CIMIP3: variants seen among roughly 807,000 people sequenced by gnomAD.
The protein encoded by CIMIP3 is GUCA1A neighbor.
At chr6:42,162,347 G>A in the CIMIP3 span, among the ~76,000 whole-genome samples, 4 of 151,676 alleles carry the variant, frequency 2.6e-5, no homozygotes, top group Non-Finnish European at 4.4e-5. Context: ...CCCAGGAGGC[G>A]GAGGTTGCAG....
At chr6:42,162,603 C>G in the CIMIP3 span, among the ~76,000 whole-genome samples, 1 of 144,636 alleles carries the variant, frequency 6.9e-6, no homozygotes, top group African/African-American at 2.6e-5. Context: ...AGGCCAAGGA[C>G]ACGGACAGAC....
the CIMIP3 span, among the ~76,000 whole-genome samples, chr6:42,157,066 C>T: frequency 1.7e-3 from 254 of 152,300 alleles, no homozygotes; most frequent in Non-Finnish European, 2.5e-3. Context: ...CAGATGAGAT[C>T]TTCTTGCCCT....
At chr6:42,157,744 G>A in the CIMIP3 span, among the ~76,000 whole-genome samples, 103,852 of 151,868 alleles carry the variant, frequency 0.68, 35,959 homozygotes, top group East Asian at 0.86. Flanking sequence ...TAGAACCCAA[G>A]TGAAAATAGG....
the CIMIP3 span, among the ~76,000 whole-genome samples, chr6:42,162,244 T>C: frequency 1.3e-5 from 2 of 151,470 alleles, no homozygotes; most frequent in Non-Finnish European, 2.9e-5. Flanking sequence ...TGAAACCCCA[T>C]CTGTACTAAA....
chr6:42,162,374 C>T, the CIMIP3 span, among the ~76,000 whole-genome samples: 8 of 150,272 alleles, frequency 5.3e-5, no homozygotes, highest in Admixed American at 2.0e-4. Flanking sequence ...GAGATCGTGC[C>T]ATTGTACTCC....
chr6:42,162,329 C>T, the CIMIP3 span, among the ~76,000 whole-genome samples: 22 of 151,312 alleles, frequency 1.5e-4, no homozygotes, highest in African/African-American at 2.7e-4. Context: ...GCAGAAGAAT[C>T]GCTTGAACCC....
At chr6:42,162,376 T>C in the CIMIP3 span, among the ~76,000 whole-genome samples, 21 of 150,932 alleles carry the variant, frequency 1.4e-4, no homozygotes, top group South Asian at 1.5e-3. Context: ...GATCGTGCCA[T>C]TGTACTCCAG....
the CIMIP3 span, among the ~76,000 whole-genome samples, chr6:42,161,344 G>A: frequency 2.0e-5 from 3 of 152,138 alleles, no homozygotes; most frequent in East Asian, 5.8e-4. Flanking sequence ...GAGGCTGGGG[G>A]AGAGGAAATG....
chr6:42,163,160 A>G, the CIMIP3 span: 1 of 630,532 alleles, frequency 1.6e-6, no homozygotes, highest in Non-Finnish European at 3.0e-6. Context: ...GCAGAAGCCT[A>G]CCTGTGGCTA....
chr6:42,156,157 C>G, the CIMIP3 span, among the ~76,000 whole-genome samples: 2 of 151,966 alleles, frequency 1.3e-5, no homozygotes, highest in Non-Finnish European at 2.9e-5. Flanking sequence ...CCACGCCCGG[C>G]TAATTTTTTT....
the CIMIP3 span, among the ~76,000 whole-genome samples, chr6:42,160,404 CTT>C: frequency 1.3e-5 from 2 of 152,198 alleles, no homozygotes; most frequent in Non-Finnish European, 2.9e-5. Context: ...CTGTAGAACA[CTT>C]GCTCATTTCT....
At chr6:42,161,869 G>T in the CIMIP3 span, among the ~76,000 whole-genome samples, 1 of 152,074 alleles carries the variant, frequency 6.6e-6, no homozygotes, top group Non-Finnish European at 1.5e-5. Context: ...TATGTCAAGG[G>T]TAAGAGTATG....
chr6:42,160,157 T>TA, the CIMIP3 span, among the ~76,000 whole-genome samples: 6 of 90,202 alleles, frequency 6.7e-5, no homozygotes, highest in African/African-American at 2.2e-4. Context: ...GGCTAATTTT[T>TA]AATTTTTTTT....
chr6:42,162,859 C>T, the CIMIP3 span: 1 of 590,888 alleles, frequency 1.7e-6, no homozygotes, highest in South Asian at 2.1e-5. Context: ...CTGCCCCTGG[C>T]ATAGCAGTTG....
the CIMIP3 span, among the ~76,000 whole-genome samples, chr6:42,162,090 C>CTTTTTTTTTTTT: frequency 3.2e-5 from 2 of 63,090 alleles, no homozygotes; most frequent in African/African-American, 1.4e-4. Flanking sequence ...AAGCCACATT[C>CTTTTTTTTTTTT]TTTTTTTTTT....
chr6:42,156,043 G>A, the CIMIP3 span, among the ~76,000 whole-genome samples: 1 of 152,034 alleles, frequency 6.6e-6, no homozygotes. Context: ...GCCCAGGCTG[G>A]AGTGCAGTGG....
At chr6:42,160,469 A>G in the CIMIP3 span, among the ~76,000 whole-genome samples, 62 of 152,332 alleles carry the variant, frequency 4.1e-4, no homozygotes, top group Admixed American at 3.3e-3. Context: ...AGATGCATAG[A>G]ACGCAGTCCT....
the CIMIP3 span, among the ~76,000 whole-genome samples, chr6:42,157,126 G>A: frequency 3.3e-5 from 5 of 152,256 alleles, no homozygotes; most frequent in Admixed American, 6.5e-5. Context: ...TCTAAACCCC[G>A]GCATAAGGGA....
the CIMIP3 span, among the ~76,000 whole-genome samples, chr6:42,162,138 A>G: frequency 8.1e-5 from 10 of 122,778 alleles, no homozygotes; most frequent in African/African-American, 3.1e-4. Flanking sequence ...AGTAGGCTGG[A>G]CGCAGTGGCT....
Sources: allele counts gnomAD v4.1 joint callset (sites outside exome capture counted in the v4.1 genomes callset), GRCh38; gene constraint gnomAD v4.1.1; transcripts MANE v1.5; gene names NCBI Gene and HGNC (gene_info 2026-07-23, HGNC 2026-07-21).